The following VPS13A variants were observed in gnomAD, a reference collection of about 807,000 sequenced individuals.
VPS13A encodes the protein vacuolar protein sorting 13 homolog A.
In VPS13A, 264 loss-of-function variants were observed where a neutral mutation model predicts 390.9. The observed-to-expected ratio is 0.68, with a 90% CI of 0.61 to 0.75. The LOEUF (loss-of-function observed/expected upper bound fraction) is 0.75. VPS13A is among the 30% of genes least tolerant of loss of function. The probability of loss-of-function intolerance (pLI) is 0.00; values close to 1 mark genes in which losing one functional copy is unlikely to be tolerated. For missense variants in VPS13A, 3,409 were observed against 3,733.9 expected (o/e 0.91, Z 2.27); for synonymous variants, 1,231 against 1,227.1 (o/e 1.00, Z -0.07).
chr9:77,339,482 A>C (rs1242631253), intron 47 of VPS13A, 34 bp from the exon 48 acceptor site: 1 of 1,463,728 alleles, frequency 6.8e-7, no homozygotes, highest in South Asian at 1.3e-5. Flanking sequence ...GCAACATTTT[A>C]AATTTTGTTT....
chr9:77,294,280 T>TA (rs779831038), intron 32 of VPS13A, among the ~76,000 whole-genome samples: 6 of 152,206 alleles, frequency 3.9e-5, no homozygotes, highest in Non-Finnish European at 8.8e-5. Flanking sequence ...GAGTTAGATT[T>TA]AACCCCTATA....
At chr9:77,380,689 C>G (rs1833380568) in intron 67 of VPS13A, among the ~76,000 whole-genome samples, 1 of 152,186 alleles carries the variant, frequency 6.6e-6, no homozygotes, top group Non-Finnish European at 1.5e-5. Context: ...GGTCCCCAGC[C>G]TTTTAGGCAT....
intron 33 of VPS13A, among the ~76,000 whole-genome samples, chr9:77,296,518 T>G (rs1828014218): frequency 6.6e-6 from 1 of 152,134 alleles, no homozygotes; most frequent in Admixed American, 6.5e-5. Flanking sequence ...TTCACCTTAT[T>G]TTTGTCTCAT....
At chr9:77,247,430 A>T (rs777508595) in intron 20 of VPS13A, 35 bp downstream of exon 20, 1 of 1,550,522 alleles carries the variant, frequency 6.4e-7, no homozygotes, top group Non-Finnish European at 8.7e-7. Context: ...ATGATACAGC[A>T]TTTGGGGTGT....
At chr9:77,272,057 ATGC>A (rs1282015395) in intron 23 of VPS13A, among the ~76,000 whole-genome samples, 1 of 151,384 alleles carries the variant, frequency 6.6e-6, no homozygotes, top group African/African-American at 2.4e-5. Flanking sequence ...CTTAAAAAAA[ATGC>A]TGCTGCTGCT....
chr9:77,370,269 G>C lies in VPS13A; in HGVS notation c.8680G>C (p.Gly2894Arg), dbSNP rs1165643370. The C allele has an allele frequency of 6.2e-7, 1 of 1,614,122 alleles. No individual in the cohort carries two copies. Among genetic ancestry groups the C allele is most frequent in the Admixed American group, 1.7e-5 (1 of 60,020 alleles). ...TTTGGCCCTTTAGGGAGCCATCCAG[G>C]GTCCTGAAGAGTTTGTGGAAGGAAT... ...FYEPYQGAIQ[G>R]PEEFVEGMAL... The change falls in exon 64 of 72, where the codon GGT becomes CGT. Residue 2894 changes from glycine to arginine, a missense_variant. Coordinates refer to ENST00000360280, the MANE Select transcript of VPS13A (RefSeq NM_033305.3).
At chr9:77,206,164 G>T in intron 5 of VPS13A, 85 bp downstream of exon 5, 1 of 973,006 alleles carries the variant, frequency 1.0e-6, no homozygotes, top group Non-Finnish European at 1.6e-6. Flanking sequence ...ATTTTTCTCT[G>T]GAGATGCTGA....
chr9:77,285,044 C>A (rs1016182299), intron 31 of VPS13A, among the ~76,000 whole-genome samples: 1 of 152,094 alleles, frequency 6.6e-6, no homozygotes, highest in Non-Finnish European at 1.5e-5. Context: ...GTTAAAAATT[C>A]AGTTTACAGA....
chr9:77,388,036 T>G (rs560007925), intron 68 of VPS13A, among the ~76,000 whole-genome samples: 1 of 152,354 alleles, frequency 6.6e-6, no homozygotes, highest in African/African-American at 2.4e-5. Flanking sequence ...GCGTATTTTC[T>G]ACTGCATCTT....
At chr9:77,275,781 G>C in intron 25 of VPS13A, 129 bp downstream of exon 25, 2 of 1,147,560 alleles carry the variant, frequency 1.7e-6, no homozygotes, top group Non-Finnish European at 2.5e-6. Flanking sequence ...CAGACTTGCT[G>C]TGTGATTCTT....
At chr9:77,281,322 A>G (rs1827012733) in intron 27 of VPS13A, among the ~76,000 whole-genome samples, 1 of 152,226 alleles carries the variant, frequency 6.6e-6, no homozygotes, top group Admixed American at 6.5e-5. Flanking sequence ...AAGATAGGAA[A>G]GCGAGGTGAC....
intron 59 of VPS13A, among the ~76,000 whole-genome samples, chr9:77,363,794 ATATGT>A (rs1336585763): frequency 6.6e-6 from 1 of 152,166 alleles, no homozygotes; most frequent in Non-Finnish European, 1.5e-5. Context: ...GAACTGCACT[ATATGT>A]TATAAGTGAA....
At position 77,268,804 on chromosome 9, in the gene VPS13A, G is replaced by A. The variant is rs562579139; in HGVS notation, c.2428-4476G>A. On this transcript the variant is annotated intron_variant, in intron 23 of 71. Coordinates refer to ENST00000360280, the MANE Select transcript of VPS13A (RefSeq NM_033305.3). ...AAAATATAAAAATTAGCCAGGCATG[G>A]TGGTGGGCATCTGTAATCCCAACTG... Among the ~76,000 whole-genome samples the A allele has an allele frequency of 1.4e-4, 22 of 152,174 alleles. No individual in the cohort carries two copies. The South Asian group carries it at 4.4e-3, about 30-fold the overall frequency.
Position 77,366,753 on chromosome 9 carries a change from C to T in VPS13A, c.8352C>T (p.Ser2784=), listed in dbSNP as rs747984632. The change falls in exon 61 of 72, where the codon TCC becomes TCT. Residue 2784 remains serine (S), a synonymous_variant. Coordinates refer to ENST00000360280, the MANE Select transcript of VPS13A (RefSeq NM_033305.3). ...TACATTTAAGTGTTTCACTGAGTTC[C>T]GGCAGAGAAGAAGCTAAAGATTCAA... ...IKLHLSVSLS[S]GREEAKDSKQ... 16 of 1,612,650 alleles carry T rather than the reference C, an allele frequency of 9.9e-6. No homozygotes were observed. The highest frequency in any genetic ancestry group is 5.5e-5 in the South Asian group (5 of 90,948).
At chr9:77,375,646 C>T (rs73449996) in intron 67 of VPS13A, among the ~76,000 whole-genome samples, 88 of 152,240 alleles carry the variant, frequency 5.8e-4, no homozygotes, top group African/African-American at 2.1e-3. Context: ...ACTGTAAGAA[C>T]TTTTCAAATG....
chr9:77,359,815 CAA>C (rs1270153072), intron 58 of VPS13A, among the ~76,000 whole-genome samples: 15 of 59,614 alleles, frequency 2.5e-4, no homozygotes, highest in Admixed American at 5.9e-4. Context: ...AAGACTGTCT[CAA>C]AAAAAAAAAA....
intron 34 of VPS13A, among the ~76,000 whole-genome samples, chr9:77,303,707 C>T (rs1828523911): frequency 2.0e-5 from 3 of 152,266 alleles, no homozygotes; most frequent in African/African-American, 7.2e-5. Context: ...GAATCTATGT[C>T]ATAATTAAGT....
chr9:77,347,071 G>A lies in VPS13A; in HGVS notation c.7289+1929G>A, dbSNP rs117979641. On this transcript the variant is annotated intron_variant, in intron 52 of 71. Coordinates refer to ENST00000360280, the MANE Select transcript of VPS13A (RefSeq NM_033305.3). The stretch of plus-strand genomic sequence containing the variant: ...CCTATTTTTATACCAGTACCATGCT[G>A]TTTTGGTGACTATAGGCATTGTAGT... Among the ~76,000 whole-genome samples, 611 of 152,294 alleles carry A rather than the reference G, an allele frequency of 4.0e-3. 5 individuals are homozygous for A. The highest frequency in any genetic ancestry group is 0.024 in the Middle Eastern group (7 of 294).
intron 22 of VPS13A, among the ~76,000 whole-genome samples, chr9:77,258,832 G>A (rs1022378542): frequency 6.6e-6 from 1 of 152,062 alleles, no homozygotes; most frequent in Non-Finnish European, 1.5e-5. Context: ...CATAGTTTAA[G>A]TACTTTTCTT....
Sources: allele counts gnomAD v4.1 joint callset (sites outside exome capture counted in the v4.1 genomes callset), GRCh38; gene constraint gnomAD v4.1.1; transcripts MANE v1.5; gene names NCBI Gene and HGNC (gene_info 2026-07-23, HGNC 2026-07-21).